The following DSC3 variants were observed in gnomAD, a reference collection of about 807,000 sequenced individuals.
DSC3 encodes the protein desmocollin 3, also known as desmocollin-3.
DSC3 carries 97 observed loss-of-function variants against 89.5 expected under a neutral mutation model. The ratio of observed to expected loss-of-function variants is 1.08; its 90% CI spans 0.92 to 1.28. The LOEUF is 1.28. DSC3 is among the 50% of genes most tolerant of loss of function. The probability of loss-of-function intolerance (pLI) is 0.00; values close to 1 mark genes in which losing one functional copy is unlikely to be tolerated. For missense variants in DSC3, 1,199 were observed against 1,085.3 expected (o/e 1.10, Z -1.47); for synonymous variants, 436 against 384.1 (o/e 1.14, Z -1.58).
chr18:31,018,022 T>C, intron 9 of DSC3, 49 bp downstream of exon 9: 4 of 1,482,708 alleles, frequency 2.7e-6, no homozygotes, highest in Non-Finnish European at 3.7e-6. Flanking sequence ...AATTATTAGG[T>C]AACTAAAACC....
intron 15 of DSC3, among the ~76,000 whole-genome samples, 186 bp downstream of exon 15, chr18:30,996,605 T>A (rs1242375550): frequency 6.6e-6 from 1 of 151,950 alleles, no homozygotes; most frequent in Non-Finnish European, 1.5e-5. Context: ...AAATGAAATA[T>A]GAAAAATGAA....
At chr18:31,011,653 T>C (rs1985062302) in intron 9 of DSC3, among the ~76,000 whole-genome samples, 2 of 152,142 alleles carry the variant, frequency 1.3e-5, no homozygotes, top group Admixed American at 1.3e-4. Context: ...ACCATGATTA[T>C]ACAGTGTTTG....
At position 30,992,902 on chromosome 18, in the gene DSC3, G is replaced by A. The variant is rs1180453534; in HGVS notation, c.*1273C>T. The A allele has an allele frequency of 6.6e-6, 1 of 152,236 alleles. No homozygotes were observed. Among genetic ancestry groups the A allele is most frequent in the Non-Finnish European group, 1.5e-5 (1 of 68,064 alleles). 9.4% of individuals were successfully genotyped at this position (152,236 alleles called of 1,614,324 possible). On this transcript the variant is annotated 3_prime_UTR_variant, in exon 16 of 16. Coordinates refer to ENST00000360428, the MANE Select transcript of DSC3 (RefSeq NM_001941.5). Reference sequence around the variant, plus strand: ...GGGCCCACAAGGCCTGGCTTTCCTTGATTCAGGCCAATGCCACTCAGAAGA... The same window carrying A: ...GGGCCCACAAGGCCTGGCTTTCCTTAATTCAGGCCAATGCCACTCAGAAGA...
chr18:31,006,757 T>C (rs1984857139), intron 12 of DSC3, 150 bp downstream of exon 12: 1 of 659,402 alleles, frequency 1.5e-6, no homozygotes, highest in Non-Finnish European at 2.6e-6. Flanking sequence ...AGAGCCCCCA[T>C]ATAATATTTG....
intron 1 of DSC3, among the ~76,000 whole-genome samples, chr18:31,040,887 G>T (rs1287104062): frequency 6.6e-6 from 1 of 152,034 alleles, no homozygotes. Flanking sequence ...CATCCGGTCC[G>T]AAATTGCAAG....
At position 31,008,275 on chromosome 18, in the gene DSC3, C is replaced by G. The variant is rs1984930281; in HGVS notation, c.1514G>C (p.Gly505Ala). The G allele has an allele frequency of 1.2e-6, 2 of 1,613,986 alleles. No individual in the cohort carries two copies. The highest frequency in any genetic ancestry group is 8.5e-7 in the Non-Finnish European group (1 of 1,179,932). ...AYDPENRNGN[G>A]LRYKKLHDPK... ...GTTATAGATTTATTTTTACCTTAAACCATTGCCATTTCTATTTTCGGGGTC... is the reference window on the plus strand; with the variant it reads ...GTTATAGATTTATTTTTACCTTAAAGCATTGCCATTTCTATTTTCGGGGTC... The change falls in exon 10 of 16, where the codon GGT becomes GCT. Residue 505 changes from glycine to alanine, a missense_variant. Coordinates refer to ENST00000360428, the MANE Select transcript of DSC3 (RefSeq NM_001941.5).
intron 7 of DSC3, among the ~76,000 whole-genome samples, chr18:31,020,426 A>T (rs1985379228): frequency 6.6e-6 from 1 of 152,186 alleles, no homozygotes; most frequent in Non-Finnish European, 1.5e-5. Context: ...ATAGACAAGG[A>T]CTTAAGGTTG....
chr18:31,000,991 T>G (rs1031374996), intron 14 of DSC3, among the ~76,000 whole-genome samples: 4 of 150,802 alleles, frequency 2.7e-5, no homozygotes, highest in Non-Finnish European at 5.9e-5. Context: ...TATATATATT[T>G]TGTGTACATA....
chr18:31,022,544 G>C, intron 6 of DSC3, 42 bp from the exon 7 acceptor site: 2 of 1,603,882 alleles, frequency 1.2e-6, no homozygotes, highest in Non-Finnish European at 1.7e-6. Context: ...TTACAGAATT[G>C]TTAAATATAC....
rs1985572819 is a variant in DSC3, at chr18:31,025,691, AG to A, written c.630+68del. The A allele has an allele frequency of 2.0e-6, 3 of 1,475,092 alleles. No individual in the cohort carries two copies. In the East Asian group the frequency reaches 6.8e-5, roughly 34 times the overall value. The allele number at this position is 1,475,092 out of a possible 1,614,324, so 91.4% of individuals were successfully genotyped here. A position where few individuals can be genotyped will look rare whatever the true frequency, so the allele number is the denominator to read the frequency against. On this transcript the variant is annotated intron_variant, in intron 5 of 15. Coordinates refer to ENST00000360428, the MANE Select transcript of DSC3 (RefSeq NM_001941.5). ...AGAATGCAAGGAGAGAGGAAAGAGT[AG>A]CTGGAGTAAGCATCAGAAGAAACAT... is the stretch of plus-strand genomic sequence containing the variant.
Position 31,017,226 on chromosome 18 carries a change from G to C in DSC3, c.1263+845C>G, listed in dbSNP as rs1985264704. ...TCTGGACAGAACTTGCCAAGTCTTA[G>C]TATAGGAGCCTTGGAAATTTTTACA... On this transcript the variant is annotated intron_variant, in intron 9 of 15. Coordinates refer to ENST00000360428, the MANE Select transcript of DSC3 (RefSeq NM_001941.5). Among the ~76,000 whole-genome samples, 3 of 152,134 alleles carry C rather than the reference G, an allele frequency of 2.0e-5. No individual in the cohort carries two copies. In the South Asian group the frequency reaches 6.2e-4, roughly 32 times the overall value.
chr18:31,017,469 C>G (rs529622398), intron 9 of DSC3, among the ~76,000 whole-genome samples: 8 of 152,220 alleles, frequency 5.3e-5, no homozygotes, highest in Non-Finnish European at 1.0e-4. Flanking sequence ...GTACCAGCAC[C>G]ACCAAATATA....
rs751115910 is a variant in DSC3 at position 31,029,623 on chromosome 18, C to A, written c.360G>T (p.Ser120=). Reference sequence around the variant, plus strand: ...CAGTTTCTCTAGTGTGTCTTGTCTTCGATACCTGAATTTAGAGAAAAACAA... The same window carrying A: ...CAGTTTCTCTAGTGTGTCTTGTCTTAGATACCTGAATTTAGAGAAAAACAA... ...TVLLEHQKKV[S]KTRHTRETVL... is the part of the protein sequence containing the mutation. The change falls in exon 4 of 16, where the codon TCG becomes TCT. Residue 120 remains serine (S), a synonymous_variant. Coordinates refer to ENST00000360428, the MANE Select transcript of DSC3 (RefSeq NM_001941.5). 2.5e-6 allele frequency: 4 copies of A among 1,613,622 alleles called. No individual in the cohort carries two copies. The highest frequency in any genetic ancestry group is 3.4e-6 in the Non-Finnish European group (4 of 1,179,600).
At chr18:30,995,283 C>A (rs1474579606) in intron 15 of DSC3, among the ~76,000 whole-genome samples, 1 of 152,166 alleles carries the variant, frequency 6.6e-6, no homozygotes, top group African/African-American at 2.4e-5. Context: ...ACTGAGGAAC[C>A]CTCCTAAGAC....
At chr18:31,039,534 T>C (rs924373150) in intron 1 of DSC3, among the ~76,000 whole-genome samples, 2 of 152,206 alleles carry the variant, frequency 1.3e-5, no homozygotes, top group African/African-American at 4.8e-5. Context: ...TTTCAAATTC[T>C]TACCACTTCA....
At chr18:30,998,129 T>C (rs1478283892) in intron 14 of DSC3, among the ~76,000 whole-genome samples, 2 of 152,000 alleles carry the variant, frequency 1.3e-5, no homozygotes, top group African/African-American at 4.8e-5. Context: ...GGAAGACAAA[T>C]AAGAAGACAA....
chr18:31,009,951 G>C (rs543463242), intron 9 of DSC3, among the ~76,000 whole-genome samples: 2 of 152,232 alleles, frequency 1.3e-5, no homozygotes, highest in Admixed American at 6.5e-5. Flanking sequence ...CTAAAATTCA[G>C]TTTTAGATAA....
rs561190888 is a variant in DSC3, at chr18:30,993,422, C to G, written c.*753G>C. ...ACAAATTACACAAATTGGACAGGAACTATTTCCTCATAGACTCAGTTATAA... is the reference window on the plus strand; with the variant it reads ...ACAAATTACACAAATTGGACAGGAAGTATTTCCTCATAGACTCAGTTATAA... On this transcript the variant is annotated 3_prime_UTR_variant, in exon 16 of 16. Coordinates refer to ENST00000360428, the MANE Select transcript of DSC3 (RefSeq NM_001941.5). 6.6e-6 allele frequency: 1 copy of G among 152,186 alleles called. No individual in the cohort carries two copies. Among genetic ancestry groups the G allele is most frequent in the Non-Finnish European group, 1.5e-5 (1 of 68,028 alleles). 9.4% of individuals were successfully genotyped at this position (152,186 alleles called of 1,614,324 possible).
chr18:31,014,931 GT>G (rs1985185527), intron 9 of DSC3, among the ~76,000 whole-genome samples: 1 of 151,920 alleles, frequency 6.6e-6, no homozygotes, highest in Admixed American at 6.6e-5. Flanking sequence ...TGTTTTTGGG[GT>G]TTGCCTTTTT....
Sources: gnomAD v4.1 joint callset for allele counts (sites outside exome capture counted in the v4.1 genomes callset) on GRCh38, gnomAD v4.1.1 for gene constraint, MANE v1.5 for transcripts, NCBI Gene and HGNC (gene_info 2026-07-23, HGNC 2026-07-21) for gene names.